The following DRC2 variants were observed in gnomAD, a reference collection of about 807,000 sequenced individuals.
The protein encoded by DRC2 is coiled-coil domain containing 65.
At chr12:48,907,785 T>C in the DRC2 span, among the ~76,000 whole-genome samples, 1 of 152,298 alleles carries the variant, frequency 6.6e-6, no homozygotes, top group Non-Finnish European at 1.5e-5. Context: ...CATGACACCA[T>C]TCTGTCATTT....
At chr12:48,916,940 A>AAG in the DRC2 span, 2 of 1,607,838 alleles carry the variant, frequency 1.2e-6, no homozygotes, top group South Asian at 1.1e-5. Context: ...TGTATCCCTC[A>AAG]GAGCAGGGAC....
the DRC2 span, among the ~76,000 whole-genome samples, chr12:48,907,550 A>T: frequency 6.6e-6 from 1 of 152,188 alleles, no homozygotes. Flanking sequence ...CACATATTAA[A>T]TGTGGAAATG....
chr12:48,918,728 G>T, the DRC2 span: 4 of 1,614,090 alleles, frequency 2.5e-6, no homozygotes, highest in Non-Finnish European at 3.4e-6. Flanking sequence ...ATACACAGCC[G>T]TGAGAGTGAA....
chr12:48,921,428 A>G, the DRC2 span: 1 of 1,606,760 alleles, frequency 6.2e-7, no homozygotes, highest in Non-Finnish European at 8.5e-7. Flanking sequence ...GTGATAAACA[A>G]CATCCAACCA....
At chr12:48,919,829 G>C in the DRC2 span, among the ~76,000 whole-genome samples, 4 of 150,458 alleles carry the variant, frequency 2.7e-5, no homozygotes, top group African/African-American at 9.7e-5. Context: ...ATTTTAAATT[G>C]AAATGAATTG....
chr12:48,918,643 G>A, the DRC2 span: 1 of 1,593,672 alleles, frequency 6.3e-7, no homozygotes, highest in South Asian at 1.1e-5. Flanking sequence ...AAGACCCTCA[G>A]TTGGTCAAGT....
chr12:48,911,604 C>A, the DRC2 span, among the ~76,000 whole-genome samples: 1 of 133,166 alleles, frequency 7.5e-6, no homozygotes. Flanking sequence ...TGTAGTGATC[C>A]GGTAAGAAAA....
chr12:48,912,460 A>AAAAAAAAAAAAAAAAC, the DRC2 span, among the ~76,000 whole-genome samples: 1 of 150,156 alleles, frequency 6.7e-6, no homozygotes, highest in Non-Finnish European at 1.5e-5. Context: ...AAAAAAAAAA[A>AAAAAAAAAAAAAAAAC]TTCATGTGCA....
chr12:48,912,580 G>C, the DRC2 span, among the ~76,000 whole-genome samples: 1 of 152,032 alleles, frequency 6.6e-6, no homozygotes, highest in East Asian at 1.9e-4. Context: ...GTTATGCCTG[G>C]GACTGGCATA....
chr12:48,917,701 T>A, the DRC2 span, among the ~76,000 whole-genome samples: 1 of 152,204 alleles, frequency 6.6e-6, no homozygotes, highest in Non-Finnish European at 1.5e-5. Context: ...GATTTTCAGA[T>A]GAAGAAAGTA....
At chr12:48,904,299 G>A in the DRC2 span, 2 of 1,597,826 alleles carry the variant, frequency 1.3e-6, no homozygotes, top group Non-Finnish European at 1.7e-6. Context: ...GGCCGAGGCA[G>A]ACCGAGGCTT....
chr12:48,918,245 A>G, the DRC2 span: 2 of 1,609,612 alleles, frequency 1.2e-6, no homozygotes, highest in Non-Finnish European at 1.7e-6. Context: ...GGTAATTCCA[A>G]ACATTTGCTA....
chr12:48,908,693 C>G, the DRC2 span, among the ~76,000 whole-genome samples: 3 of 151,622 alleles, frequency 2.0e-5, no homozygotes, highest in Admixed American at 2.0e-4. Context: ...CTCTGCCCCC[C>G]GGGTTCAAGT....
the DRC2 span, among the ~76,000 whole-genome samples, chr12:48,912,647 A>C: frequency 6.6e-6 from 1 of 151,920 alleles, no homozygotes. Flanking sequence ...GCCCAAATTC[A>C]AGGAGCTGGA....
At chr12:48,909,627 G>A in the DRC2 span, among the ~76,000 whole-genome samples, 146 of 152,080 alleles carry the variant, frequency 9.6e-4, no homozygotes, top group Non-Finnish European at 1.5e-3. Context: ...ACAGGCGTGC[G>A]CCACGACACT....
At chr12:48,911,009 T>C in the DRC2 span, among the ~76,000 whole-genome samples, 3 of 152,156 alleles carry the variant, frequency 2.0e-5, no homozygotes, top group African/African-American at 7.2e-5. Flanking sequence ...TGTGCTCATA[T>C]ATGTAAGAGA....
the DRC2 span, chr12:48,917,232 CT>C: frequency 2.2e-4 from 236 of 1,087,770 alleles, 1 homozygote; most frequent in Admixed American, 1.6e-3. Context: ...AGGAGGATCA[CT>C]TGAGACTGGG....
At chr12:48,918,384 G>C in the DRC2 span, 1 of 1,614,180 alleles carries the variant, frequency 6.2e-7, no homozygotes, top group South Asian at 1.1e-5. Flanking sequence ...ACAGAGGATC[G>C]AAAGGCTGCC....
the DRC2 span, chr12:48,914,272 G>T: frequency 1.1e-6 from 1 of 886,276 alleles, no homozygotes. Context: ...CAAGAGTGAG[G>T]GGGACAGCCA....
Sources: gnomAD v4.1 joint callset for allele counts (sites outside exome capture counted in the v4.1 genomes callset) on GRCh38, gnomAD v4.1.1 for gene constraint, MANE v1.5 for transcripts, NCBI Gene and HGNC (gene_info 2026-07-23, HGNC 2026-07-21) for gene names.